Variants in PCDH15 observed in about 807,000 individuals in gnomAD.
The protein encoded by PCDH15 is protocadherin related 15.
A neutral mutation model predicts 178.5 loss-of-function variants in PCDH15; 129 were observed. That is an observed-to-expected ratio of 0.72 (90% CI 0.63 to 0.84). The LOEUF (loss-of-function observed/expected upper bound fraction) is 0.84. Ranked by LOEUF, PCDH15 falls within the 40% of genes least tolerant of loss-of-function variation. The probability of loss-of-function intolerance (pLI) is 0.00; values close to 1 mark genes in which losing one functional copy is unlikely to be tolerated. For synonymous variants in PCDH15, 800 were observed against 732.0 expected, an observed-to-expected ratio of 1.09 and a Z score of -1.50; for missense variants, 2,230 against 2,099.9, an observed-to-expected ratio of 1.06 and a Z score of -1.21.
At chr10:54,184,577 T>C (rs1206669381) in intron 12 of PCDH15, among the ~76,000 whole-genome samples, 3 of 152,080 alleles carry the variant, frequency 2.0e-5, no homozygotes, top group African/African-American at 7.2e-5. Flanking sequence ...CTCAGTGCTA[T>C]TGACACCTTG....
At chr10:55,537,894 C>T (rs552795519) in intron 2 of PCDH15, among the ~76,000 whole-genome samples, 101 of 152,086 alleles carry the variant, frequency 6.6e-4, no homozygotes, top group Non-Finnish European at 1.4e-3. Context: ...TTTTATTTAT[C>T]GATTTGTTCT....
At chr10:53,895,410 T>G (rs543746773) in intron 26 of PCDH15, among the ~76,000 whole-genome samples, 1 of 152,344 alleles carries the variant, frequency 6.6e-6, no homozygotes, top group East Asian at 1.9e-4. Flanking sequence ...TATTTTCTTT[T>G]AGTCCATAAA....
At chr10:53,909,664 G>A (rs1050949594) in intron 25 of PCDH15, among the ~76,000 whole-genome samples, 1 of 152,122 alleles carries the variant, frequency 6.6e-6, no homozygotes, top group Non-Finnish European at 1.5e-5. Flanking sequence ...TTGGACAGAG[G>A]GTGCAGCCCA....
intron 13 of PCDH15, among the ~76,000 whole-genome samples, chr10:54,169,931 C>T (rs1240867352): frequency 2.0e-5 from 3 of 150,824 alleles, no homozygotes; most frequent in Middle Eastern, 3.2e-3. Context: ...CTATCCACCC[C>T]GTGCTGCCAA....
At position 55,300,091 on chromosome 10, in the gene PCDH15, C is replaced by T. The variant is rs114581435; in HGVS notation, c.-156+19508G>A. Among the ~76,000 whole-genome samples, 1,206 of 152,218 alleles carry T rather than the reference C, an allele frequency of 7.9e-3. 16 individuals carry two copies. The highest frequency in any genetic ancestry group is 0.027 in the African/African-American group (1,133 of 41,552). ...ACACTGCTTTTTAAAATACTTATTA[C>T]AGTCTGTATTGTATGGTGACCTGAG... On this transcript the variant is annotated intron_variant, in intron 1 of 5. Coordinates refer to the PCDH15 transcript ENST00000458638.
upstream of PCDH15, among the ~76,000 whole-genome samples, chr10:54,803,777 G>T (rs1325146809): frequency 1.3e-5 from 2 of 152,202 alleles, no homozygotes; most frequent in African/African-American, 2.4e-5. Flanking sequence ...GACGGAAAGA[G>T]ATTGTATTAG....
intron 1 of PCDH15, among the ~76,000 whole-genome samples, chr10:54,703,737 C>A (rs186292960): frequency 6.6e-6 from 1 of 151,764 alleles, no homozygotes; most frequent in Admixed American, 6.6e-5. Context: ...AATAACATAA[C>A]GGGAAAAACA....
intron 2 of PCDH15, among the ~76,000 whole-genome samples, chr10:55,547,109 C>G (rs1841901608): frequency 6.6e-6 from 1 of 152,178 alleles, no homozygotes; most frequent in Admixed American, 6.6e-5. Flanking sequence ...CTAGTACCCA[C>G]TGGGATCAGT....
chr10:54,233,782 C>A (rs2054323192), intron 9 of PCDH15, among the ~76,000 whole-genome samples: 1 of 152,174 alleles, frequency 6.6e-6, no homozygotes, highest in African/African-American at 2.4e-5. Context: ...TTTTTAGAAT[C>A]CCAGAAATAT....
chr10:54,424,452 C>G (rs1232519381), intron 3 of PCDH15, among the ~76,000 whole-genome samples: 5 of 151,808 alleles, frequency 3.3e-5, no homozygotes, highest in South Asian at 2.1e-4. Flanking sequence ...ACAGTGTGGC[C>G]ATTCCTCAGG....
intron 3 of PCDH15, among the ~76,000 whole-genome samples, chr10:54,420,087 G>T (rs188641789): frequency 9.9e-4 from 150 of 152,194 alleles, no homozygotes; most frequent in African/African-American, 3.5e-3. Flanking sequence ...TGGAAATGTT[G>T]AGAAATTTTT....
intron 2 of PCDH15, among the ~76,000 whole-genome samples, chr10:54,959,470 A>C (rs1389527501): frequency 1.3e-5 from 2 of 152,016 alleles, no homozygotes; most frequent in African/African-American, 4.8e-5. Flanking sequence ...GGGAACAGGA[A>C]AATTTTAAGG....
intron 1 of PCDH15, among the ~76,000 whole-genome samples, chr10:55,222,730 C>CACACACACACACATATATATAT: frequency 1.3e-4 from 16 of 121,248 alleles, no homozygotes; most frequent in East Asian, 4.8e-4. Flanking sequence ...CACACACACA[C>CACACACACACACATATATATAT]ATATATATAT....
intron 2 of PCDH15, among the ~76,000 whole-genome samples, chr10:55,435,687 A>G (rs11004860): frequency 0.36 from 55,331 of 151,902 alleles, 10,746 homozygotes; most frequent in African/African-American, 0.51. Context: ...GTAACTTACA[A>G]TGAGACAGGG....
chr10:55,075,668 A>T (rs1050751416), intron 2 of PCDH15, among the ~76,000 whole-genome samples: 1 of 151,858 alleles, frequency 6.6e-6, no homozygotes, highest in Non-Finnish European at 1.5e-5. Flanking sequence ...TGGCCTGTTT[A>T]AACTTTTCAA....
At chr10:54,685,140 C>T (rs886488051) in intron 1 of PCDH15, among the ~76,000 whole-genome samples, 1 of 152,048 alleles carries the variant, frequency 6.6e-6, no homozygotes, top group Non-Finnish European at 1.5e-5. Context: ...CTGTCTTCCT[C>T]CTCCATATCT....
intron 1 of PCDH15, among the ~76,000 whole-genome samples, chr10:54,781,925 T>C (rs1238983331): frequency 2.0e-5 from 3 of 152,170 alleles, no homozygotes; most frequent in Non-Finnish European, 4.4e-5. Context: ...CTTACAAAGA[T>C]GTATTATGCT....
chr10:54,109,713 G>A (rs901491095), intron 15 of PCDH15, among the ~76,000 whole-genome samples: 12 of 152,280 alleles, frequency 7.9e-5, no homozygotes, highest in African/African-American at 2.6e-4. Context: ...AGGTTTATGG[G>A]GGAAGTGGGG....
At chr10:55,504,627 A>C (rs2132143770) in intron 2 of PCDH15, among the ~76,000 whole-genome samples, 1 of 151,516 alleles carries the variant, frequency 6.6e-6, no homozygotes, top group African/African-American at 2.4e-5. Flanking sequence ...TAGAATGAAA[A>C]GAAAAAAATT....
Sources: gnomAD v4.1 joint callset for allele counts (sites outside exome capture counted in the v4.1 genomes callset) on GRCh38, gnomAD v4.1.1 for gene constraint, MANE v1.5 for transcripts, NCBI Gene and HGNC (gene_info 2026-07-23, HGNC 2026-07-21) for gene names.